Variants in SLC47A2 observed in about 807,000 individuals in gnomAD.
SLC47A2 encodes multidrug and toxin extrusion protein 2.
A neutral mutation model predicts 67.7 loss-of-function variants in SLC47A2; 52 were observed. The ratio of observed to expected loss-of-function variants is 0.77; its 90% CI spans 0.61 to 0.97. SLC47A2 has a LOEUF of 0.97. Among genes scored for constraint, SLC47A2 ranks in the 50% least tolerant of loss-of-function variants. SLC47A2 has a pLI of 0.00. For synonymous variants in SLC47A2, 278 were observed against 292.9 expected (o/e 0.95, Z 0.52); for missense variants, 676 against 712.3 (o/e 0.95, Z 0.58).
In SLC47A2 at chr17:19,710,451, G is replaced by A. The variant is rs2086062967; in HGVS notation, c.487-1691C>T. Among the ~76,000 whole-genome samples the A allele has an allele frequency of 3.7e-5, 4 of 107,312 alleles. No individual in the cohort carries two copies. In the South Asian group the frequency reaches 1.5e-3, roughly 40 times the overall value. The allele number at this position is 107,312 out of a possible 152,430, so 70.4% of individuals were successfully genotyped here. ...GCAAATGTGTATATAATCTTGCAGT[G>A]GGTTAAGTCTTTTTTTTTTAGACAG... is the stretch of plus-strand genomic sequence containing the variant. On this transcript the variant is annotated intron_variant, in intron 5 of 16. Transcript: ENST00000433844.
chr17:19,703,602 T>G (rs2152350555), intron 11 of SLC47A2, among the ~76,000 whole-genome samples: 1 of 152,286 alleles, frequency 6.6e-6, no homozygotes, highest in Non-Finnish European at 1.5e-5. Context: ...CCTTCCAGTC[T>G]CAGAAAGCAC....
At position 19,702,707 on chromosome 17, in the gene SLC47A2, G is replaced by A; in HGVS notation, c.1095-33C>T. Reference sequence around the variant, plus strand: ...AGAAATGAGAAAGCATTAAGACACAGATGTATCCTTTGAGACCCATTTATA... The same window carrying A: ...AGAAATGAGAAAGCATTAAGACACAAATGTATCCTTTGAGACCCATTTATA... On this transcript the variant is annotated intron_variant, in intron 12 of 16. Transcript: ENST00000433844. The A allele has an allele frequency of 1.9e-6, 3 of 1,610,626 alleles. No individual in the cohort carries two copies. In the East Asian group the frequency reaches 6.7e-5, roughly 36 times the overall value.
chr17:19,701,758 A>G (rs775858994), intron 13 of SLC47A2, among the ~76,000 whole-genome samples: 1 of 152,092 alleles, frequency 6.6e-6, no homozygotes, highest in Non-Finnish European at 1.5e-5. Context: ...ATATGGGAGG[A>G]TCACTTGAGC....
chr17:19,703,087 C>G lies in SLC47A2; in HGVS notation c.1094+5G>C, dbSNP rs1567627061. 3.7e-6 allele frequency: 6 copies of G among 1,613,758 alleles called. No homozygotes were observed. The highest frequency in any genetic ancestry group is 5.1e-6 in the Non-Finnish European group (6 of 1,179,666). Reference sequence around the variant, plus strand: ...AAGAGTCAGCACAGAAAACTGATTACCTACTCATCATTGGTAAAAATATGC... The same window carrying G: ...AAGAGTCAGCACAGAAAACTGATTAGCTACTCATCATTGGTAAAAATATGC... On this transcript the variant is annotated splice_donor_5th_base_variant and intron_variant, in intron 12 of 16. Coordinates refer to ENST00000433844, the MANE Select transcript of SLC47A2 (RefSeq NM_001099646.3).
upstream of SLC47A2, chr17:19,716,630 G>A: frequency 6.8e-7 from 1 of 1,479,768 alleles, no homozygotes; most frequent in Non-Finnish European, 9.0e-7. Flanking sequence ...GCCACCCCCT[G>A]CCTGGGCAGC....
At chr17:19,689,696 C>CAAA (rs377081377) in intron 13 of SLC47A2, among the ~76,000 whole-genome samples, 1 of 81,676 alleles carries the variant, frequency 1.2e-5, no homozygotes, top group African/African-American at 4.3e-5. Context: ...GACCTTGTCT[C>CAAA]AAAAAAAAAA....
At chr17:19,679,032 A>G in intron 16 of SLC47A2, 126 bp from the exon 17 acceptor site, 1 of 702,722 alleles carries the variant, frequency 1.4e-6, no homozygotes, top group Non-Finnish European at 2.5e-6. Context: ...GACGATGCCT[A>G]TACAGTAGAA....
chr17:19,684,871 G>A (rs3944074), intron 13 of SLC47A2, among the ~76,000 whole-genome samples: 2,199 of 151,530 alleles, frequency 0.015, 42 homozygotes, highest in African/African-American at 0.044. Context: ...CTCTTTCTAC[G>A]GTCTCCCTCT....
chr17:19,703,618 T>G (rs1234420398), intron 11 of SLC47A2, among the ~76,000 whole-genome samples: 1 of 152,138 alleles, frequency 6.6e-6, no homozygotes, highest in Non-Finnish European at 1.5e-5. Context: ...AGCACAGCCA[T>G]GATGTCAGAG....
intron 13 of SLC47A2, among the ~76,000 whole-genome samples, chr17:19,683,482 C>T (rs1182511920): frequency 1.3e-5 from 2 of 152,168 alleles, no homozygotes; most frequent in East Asian, 1.9e-4. Context: ...AGCCATCGAC[C>T]AGTGGACTAG....
intron 13 of SLC47A2, chr17:19,701,954 TA>T: frequency 1.0e-5 from 2 of 191,774 alleles, no homozygotes; most frequent in Non-Finnish European, 1.9e-5. Context: ...TACGAAAATT[TA>T]AAAATTAGCT....
In SLC47A2 at chr17:19,678,419, G is replaced by A. The variant is rs937941224; in HGVS notation, c.*267C>T. On this transcript the variant is annotated 3_prime_UTR_variant, in exon 17 of 17. Coordinates refer to ENST00000433844, the MANE Select transcript of SLC47A2 (RefSeq NM_001099646.3). ...ATTATTAATAATAGTGACAATCCCT[G>A]GACTCTGACTCGTGCAGTTGGCTGA... The A allele has an allele frequency of 6.1e-6, 3 of 489,738 alleles. No homozygotes were observed. Among genetic ancestry groups the A allele is most frequent in the Non-Finnish European group, 1.1e-5 (3 of 272,654 alleles). 30.3% of individuals were successfully genotyped at this position (489,738 alleles called of 1,614,324 possible). A position where few individuals can be genotyped will look rare whatever the true frequency, so the allele number is the denominator to read the frequency against.
In SLC47A2 at chr17:19,708,435, A is replaced by G. The variant is rs765526333; in HGVS notation, c.532-36T>C. ...TGAAAACTGGCCCTGCTAAGGTGTG[A>G]GTGAGATGGATGGAGGATGGACAAA... is the stretch of plus-strand genomic sequence containing the variant. On this transcript the variant is annotated intron_variant, in intron 6 of 16. Coordinates refer to ENST00000433844, the MANE Select transcript of SLC47A2 (RefSeq NM_001099646.3). 40 of 1,614,032 alleles carry G rather than the reference A, an allele frequency of 2.5e-5. 1 individual carries two copies. Among genetic ancestry groups the G allele is most frequent in the Non-Finnish European group, 1.0e-5 (12 of 1,180,044 alleles).
Position 19,684,103 on chromosome 17 carries a change from G to T in SLC47A2, c.1165-2433C>A, listed in dbSNP as rs1173425932. Among the ~76,000 whole-genome samples the T allele has an allele frequency of 5.9e-5, 9 of 152,250 alleles. No homozygotes were observed. The East Asian group carries it at 1.5e-3, about 26-fold the overall frequency. On this transcript the variant is annotated intron_variant, in intron 13 of 16. Coordinates refer to ENST00000433844, the MANE Select transcript of SLC47A2 (RefSeq NM_001099646.3). ...TTAAAACAATCTTTTTTAAGAGATGGAGTCTTGCTATGTTACCCTGGCTGG... is the reference window on the plus strand; with the variant it reads ...TTAAAACAATCTTTTTTAAGAGATGTAGTCTTGCTATGTTACCCTGGCTGG...
At chr17:19,680,108 G>A (rs940768161) in intron 15 of SLC47A2, 69 bp from the exon 16 acceptor site, 15 of 1,451,462 alleles carry the variant, frequency 1.0e-5, no homozygotes, top group Non-Finnish European at 1.3e-5. Context: ...TGCTAGCCTC[G>A]CATTCTCTGT....
intron 13 of SLC47A2, among the ~76,000 whole-genome samples, chr17:19,701,357 C>A (rs1196004162): frequency 1.3e-5 from 2 of 152,002 alleles, no homozygotes; most frequent in Non-Finnish European, 2.9e-5. Context: ...CGGCTATATT[C>A]AAAAATAAAT....
chr17:19,712,809 C>G (rs1567637067), intron 4 of SLC47A2, 64 bp from the exon 5 acceptor site: 2 of 1,522,764 alleles, frequency 1.3e-6, no homozygotes, highest in African/African-American at 1.4e-5. Flanking sequence ...GGGCCCTCTC[C>G]CCTGTGTCCT....
At chr17:19,680,555 A>C (rs927874844) in intron 15 of SLC47A2, among the ~76,000 whole-genome samples, 1 of 152,136 alleles carries the variant, frequency 6.6e-6, no homozygotes, top group Non-Finnish European at 1.5e-5. Context: ...TCTGTGCACA[A>C]AGGCAAAACC....
Position 19,705,475 on chromosome 17 carries a change from G to A in SLC47A2, c.870C>T (p.Ala290=), listed in dbSNP as rs773424368. The change falls in exon 10 of 17, where the codon GCC becomes GCT. Residue 290 remains alanine (A), a synonymous_variant. Coordinates refer to ENST00000433844, the MANE Select transcript of SLC47A2 (RefSeq NM_001099646.3). ...TGGCCACCTCGTAGATGACAGCCTGGGCAGAGAGATCCACCACACTGAGCA... is the reference window on the plus strand; with the variant it reads ...TGGCCACCTCGTAGATGACAGCCTGAGCAGAGAGATCCACCACACTGAGCA... ...MGLLSVVDLS[A]QAVIYEVATV... 6.2e-7 allele frequency: 1 copy of A among 1,611,828 alleles called. No individual in the cohort carries two copies.
Sources: gnomAD v4.1 joint callset for allele counts (sites outside exome capture counted in the v4.1 genomes callset) on GRCh38, gnomAD v4.1.1 for gene constraint, MANE v1.5 for transcripts, NCBI Gene and HGNC (gene_info 2026-07-23, HGNC 2026-07-21) for gene names.